Variants in NCOR2 observed in about 807,000 individuals in gnomAD.
NCOR2 encodes CTG repeat protein 26.
NCOR2 carries 81 observed loss-of-function variants against 262.9 expected under a neutral mutation model. The observed-to-expected ratio is 0.31, with a 90% confidence interval of 0.26 to 0.37. The LOEUF is 0.37. NCOR2 is among the 10% of genes least tolerant of loss of function. The probability of loss-of-function intolerance (pLI) is 1.00; values close to 1 mark genes in which losing one functional copy is unlikely to be tolerated. For missense variants in NCOR2, 3,385 were observed against 3,621.4 expected (o/e 0.93, Z 1.68); for synonymous variants, 1,659 against 1,559.3 (o/e 1.06, Z -1.51).
intron 16 of NCOR2, among the ~76,000 whole-genome samples, chr12:124,395,420 C>T (rs981114732): frequency 2.6e-5 from 4 of 152,220 alleles, no homozygotes; most frequent in African/African-American, 9.6e-5. Context: ...TAATTCACGG[C>T]AGACGAACAT....
chr12:124,447,667 C>T (rs569590242), intron 7 of NCOR2, among the ~76,000 whole-genome samples: 4 of 151,548 alleles, frequency 2.6e-5, no homozygotes, highest in Non-Finnish European at 4.4e-5. Flanking sequence ...ACTTTAGATT[C>T]GCTGGTATTT....
intron 10 of NCOR2, among the ~76,000 whole-genome samples, chr12:124,428,764 T>C (rs562624847): frequency 1.3e-5 from 2 of 152,352 alleles, no homozygotes; most frequent in African/African-American, 2.4e-5. Flanking sequence ...TCAATAGCCA[T>C]GCGTGGCTCT....
At chr12:124,418,255 G>A (rs532707521) in intron 13 of NCOR2, among the ~76,000 whole-genome samples, 2 of 152,284 alleles carry the variant, frequency 1.3e-5, no homozygotes, top group East Asian at 3.9e-4. Context: ...GATCCCTGCG[G>A]ATAAGGACCG....
At chr12:124,559,453 C>T (rs1359229954) in intron 1 of NCOR2, among the ~76,000 whole-genome samples, 1 of 152,200 alleles carries the variant, frequency 6.6e-6, no homozygotes, top group African/African-American at 2.4e-5. Flanking sequence ...CTTCCCAAGT[C>T]GGACCCCAAA....
At chr12:124,351,462 C>T (rs1364468777) in intron 27 of NCOR2, among the ~76,000 whole-genome samples, 1 of 152,168 alleles carries the variant, frequency 6.6e-6, no homozygotes, top group East Asian at 1.9e-4. Flanking sequence ...ACACGCCTCC[C>T]CAGTGTGTCC....
In NCOR2 at chr12:124,343,143, C is replaced by T. The variant is rs562907623; in HGVS notation, c.4798G>A (p.Val1600Met). The change falls in exon 33 of 47, where the codon GTG becomes ATG. Residue 1600 changes from valine (V) to methionine (M), a missense_variant. Coordinates refer to ENST00000405201, the Ensembl canonical transcript of NCOR2. ...ATGGGGTGTGGGTGGTGCTCGGGCA[C>T]GGTGCTGTGCGGGGACTTGGCGATC... is the stretch of plus-strand genomic sequence containing the variant. 14 of 1,611,570 alleles carry T rather than the reference C, an allele frequency of 8.7e-6. No individual in the cohort carries two copies. Among genetic ancestry groups the T allele is most frequent in the African/African-American group, 8.0e-5 (6 of 75,022 alleles).
chr12:124,335,750 G>C, intron 38 of NCOR2, 118 bp from the exon 41 acceptor site: 1 of 1,221,336 alleles, frequency 8.2e-7, no homozygotes. Context: ...ACCCAAGCTA[G>C]GGGTAGGGTT....
chr12:124,484,482 C>T (rs2047671395), intron 2 of NCOR2, among the ~76,000 whole-genome samples: 1 of 152,246 alleles, frequency 6.6e-6, no homozygotes, highest in South Asian at 2.1e-4. Context: ...AACCATCACC[C>T]ACCAGAAAGA....
At chr12:124,332,377 G>C (rs763240412) in exon 43 of NCOR2, 1 of 1,614,190 alleles carries the variant, frequency 6.2e-7, no homozygotes, top group South Asian at 1.1e-5. Context: ...CTTGCTTCTT[G>C]GACTTGACCA....
intron 37 of NCOR2, among the ~76,000 whole-genome samples, chr12:124,338,795 A>G (rs2036118858): frequency 6.6e-6 from 1 of 151,592 alleles, no homozygotes. Context: ...CTCCCCATCT[A>G]CTCATCCCAC....
exon 42 of NCOR2, chr12:124,333,180 C>A: frequency 6.2e-7 from 1 of 1,613,050 alleles, no homozygotes; most frequent in Non-Finnish European, 8.5e-7. Context: ...ACACAGCACT[C>A]CGGGAGTGCC....
intron 41 of NCOR2, among the ~76,000 whole-genome samples, chr12:124,333,899 C>CGCATGTGTGTGTGT (rs1566353702): frequency 3.3e-5 from 3 of 90,718 alleles, no homozygotes; most frequent in East Asian, 2.6e-4. Context: ...TGTGTGTGCG[C>CGCATGTGTGTGTGT]GCGCATGTGT....
chr12:124,534,593 G>A (rs911825420), intron 1 of NCOR2, among the ~76,000 whole-genome samples: 3 of 152,200 alleles, frequency 2.0e-5, no homozygotes, highest in Non-Finnish European at 4.4e-5. Context: ...AGCCTGTCAT[G>A]AGCCAGAACA....
At chr12:124,473,991 C>T (rs532346842) in intron 3 of NCOR2, among the ~76,000 whole-genome samples, 35 of 152,318 alleles carry the variant, frequency 2.3e-4, no homozygotes, top group South Asian at 2.3e-3. Flanking sequence ...GGTTCAAATG[C>T]TCTTGCTACA....
intron 20 of NCOR2, among the ~76,000 whole-genome samples, chr12:124,368,209 G>A (rs868766262): frequency 3.3e-5 from 5 of 152,364 alleles, no homozygotes; most frequent in South Asian, 2.1e-4. Context: ...AGCACGTGGG[G>A]CCGAGTGGGT....
intron 5 of NCOR2, among the ~76,000 whole-genome samples, chr12:124,465,692 G>C (rs1375980365): frequency 2.6e-5 from 4 of 151,734 alleles, no homozygotes; most frequent in Non-Finnish European, 2.9e-5. Flanking sequence ...CTCTGGACAA[G>C]TCACTTAACC....
In NCOR2 at chr12:124,457,172, G is replaced by T. The variant is rs1023937886; in HGVS notation, c.706-10C>A. On this transcript the variant is annotated splice_polypyrimidine_tract_variant and intron_variant, in intron 5 of 46. Transcript: ENST00000405201. This position sits in a 1 kb window ranked among gnomAD's most constrained non-coding sequence, Gnocchi z 4.0. ...CAGCTTCAGCCTTCTTCTGCAGGGTGATGGCGAAGAGGAGGAATTTTTTTA... is the reference window on the plus strand; with the variant it reads ...CAGCTTCAGCCTTCTTCTGCAGGGTTATGGCGAAGAGGAGGAATTTTTTTA... 1.3e-6 allele frequency: 2 copies of T among 1,535,760 alleles called. No individual in the cohort carries two copies. The highest frequency in any genetic ancestry group is 1.7e-6 in the Non-Finnish European group (2 of 1,152,734).
intron 16 of NCOR2, chr12:124,388,874 GA>G: frequency 3.9e-6 from 3 of 771,784 alleles, no homozygotes; most frequent in Non-Finnish European, 3.4e-6. Context: ...GTGAGGGAGG[GA>G]GGGAGGGAGG....
At chr12:124,458,507 C>T (rs925532555) in intron 5 of NCOR2, among the ~76,000 whole-genome samples, 15 of 152,328 alleles carry the variant, frequency 9.8e-5, no homozygotes, top group Admixed American at 3.9e-4. Context: ...GACCTGCAGC[C>T]TCAAGGTGCG....
Sources: gnomAD v4.1 joint callset for allele counts (sites outside exome capture counted in the v4.1 genomes callset) on GRCh38, gnomAD v4.1.1 for gene constraint, Gnocchi (gnomAD v3.1) non-coding constraint, MANE v1.5 for transcripts, NCBI Gene and HGNC (gene_info 2026-07-23, HGNC 2026-07-21) for gene names.